Variants in CLEC12B observed in about 807,000 individuals in gnomAD.
The protein encoded by CLEC12B is macrophage antigen h.
A neutral mutation model predicts 36.1 loss-of-function variants in CLEC12B; 25 were observed. The ratio of observed to expected loss-of-function variants is 0.69; its 90% confidence interval spans 0.50 to 0.97. The LOEUF is 0.97. CLEC12B is among the 50% of genes least tolerant of loss of function. CLEC12B has a pLI of 0.00. For synonymous variants in CLEC12B, 110 were observed against 108.5 expected, an observed-to-expected ratio of 1.01 and a Z score of -0.09; for missense variants, 325 against 318.4, an observed-to-expected ratio of 1.02 and a Z score of -0.16.
chr12:10,009,608 A>G (rs1865277347), upstream of CLEC12B, among the ~76,000 whole-genome samples: 2 of 151,066 alleles, frequency 1.3e-5, no homozygotes. Flanking sequence ...ATGTATATTT[A>G]GGTGTTTAGA....
Position 10,014,004 on chromosome 12 carries a change from CTGA to C in CLEC12B, c.191-515_191-513del, listed in dbSNP as rs1182769378. ...TGCAGTGGTTCTTAAATTTGTTGTG[CTGA>C]TGAAGCACCTTAAATGCTTATGAAA... On this transcript the variant is annotated intron_variant, in intron 2 of 5. Transcript: ENST00000338896. 3.3e-5 allele frequency among the ~76,000 whole-genome samples: 5 copies of C among 152,250 alleles called. No homozygotes were observed. In the East Asian group the frequency reaches 7.7e-4, roughly 24 times the overall value.
chr12:10,009,593 A>C (rs1182482720), upstream of CLEC12B, among the ~76,000 whole-genome samples: 2 of 151,438 alleles, frequency 1.3e-5, no homozygotes, highest in East Asian at 3.9e-4. Context: ...ATGAACAAGT[A>C]ACATATGTAT....
chr12:10,015,148 A>G, intron 3 of CLEC12B, 104 bp from the exon 4 acceptor site: 1 of 961,534 alleles, frequency 1.0e-6, no homozygotes, highest in Non-Finnish European at 1.6e-6. Flanking sequence ...TTCAGGGTGC[A>G]GGCTCTCAGT....
intron 3 of CLEC12B, 52 bp downstream of exon 3, chr12:10,014,793 C>A: frequency 8.0e-7 from 1 of 1,253,152 alleles, no homozygotes; most frequent in South Asian, 1.2e-5. Context: ...TTATCCTGGT[C>A]TAAGTTGATC....
chr12:10,015,089 C>G (rs184648682), intron 3 of CLEC12B, among the ~76,000 whole-genome samples, 163 bp from the exon 4 acceptor site: 1 of 152,104 alleles, frequency 6.6e-6, no homozygotes, highest in Non-Finnish European at 1.5e-5. Flanking sequence ...TTGCCCCAAC[C>G]CATAACCAGG....
chr12:10,018,043 G>T, intron 5 of CLEC12B: 1 of 823,932 alleles, frequency 1.2e-6, no homozygotes, highest in Non-Finnish European at 1.5e-6. Context: ...TTCATTAATG[G>T]AATTACATAT....
At chr12:10,014,319 CAAT>C (rs1227590655) in intron 2 of CLEC12B, among the ~76,000 whole-genome samples, 5 of 151,896 alleles carry the variant, frequency 3.3e-5, no homozygotes, top group South Asian at 2.1e-4. Context: ...TAATATAGTG[CAAT>C]AATAAAAATG....
intron 1 of CLEC12B, 82 bp downstream of exon 1, chr12:10,010,932 G>GCAC: frequency 1.2e-6 from 1 of 821,386 alleles, no homozygotes; most frequent in Non-Finnish European, 2.0e-6. Flanking sequence ...TTTAATACTG[G>GCAC]CGTTAAAGAC....
Position 10,014,525 on chromosome 12 carries a change from T to G in CLEC12B, c.193T>G (p.Leu65Val), listed in dbSNP as rs779655928. The part of the protein sequence containing the change: ...IGLVTLGMMF[L>V]QISNDINSDS... Reference sequence around the variant, plus strand: ...TTGTCTCCTGTCATGTCTTGGAGTTTTGCAGATATCTAATGACATTAACTC... The same window carrying G: ...TTGTCTCCTGTCATGTCTTGGAGTTGTGCAGATATCTAATGACATTAACTC... The change falls in exon 3 of 6, where the codon TTG becomes GTG. Residue 65 changes from leucine (L) to valine (V), a missense_variant and splice_region_variant. Transcript: ENST00000338896. The G allele has an allele frequency of 6.2e-7, 1 of 1,610,512 alleles. No individual in the cohort carries two copies. Among genetic ancestry groups the G allele is most frequent in the East Asian group, 2.2e-5 (1 of 44,852 alleles).
At position 10,016,038 on chromosome 12, in the gene CLEC12B, T is replaced by A. The variant is rs535449119; in HGVS notation, c.680+311T>A. On this transcript the variant is annotated intron_variant, in intron 5 of 5. Coordinates refer to ENST00000338896, the MANE Select transcript of CLEC12B (RefSeq NM_001129998.3). ...AGCAGTTATATTCCCATTTTATAGGTAGAAATATTATAATAGAGAGATTAA... is the reference window on the plus strand; with the variant it reads ...AGCAGTTATATTCCCATTTTATAGGAAGAAATATTATAATAGAGAGATTAA... 1.1e-4 allele frequency: 111 copies of A among 972,166 alleles called. No homozygotes were observed. In the African/African-American group the frequency reaches 1.7e-3, roughly 15 times the overall value. The allele number at this position is 972,166 out of a possible 1,614,324, so 60.2% of individuals were successfully genotyped here.
chr12:10,010,691 C>A lies in CLEC12B; in HGVS notation c.-69C>A. The A allele has an allele frequency of 9.9e-7, 1 of 1,006,260 alleles. No individual in the cohort carries two copies. Among genetic ancestry groups the A allele is most frequent in the Non-Finnish European group, 1.5e-6 (1 of 658,296 alleles). 62.3% of individuals were successfully genotyped at this position (1,006,260 alleles called of 1,614,324 possible). ...TCAAAGCTCCCAGCCTTGAAAAACA[C>A]ATGCTGTTCCCAGGCCTCAAGATAT... On this transcript the variant is annotated 5_prime_UTR_variant, in exon 1 of 6. Coordinates refer to ENST00000338896, the MANE Select transcript of CLEC12B (RefSeq NM_001129998.3).
chr12:10,018,754 T>G lies in CLEC12B; in HGVS notation c.*273T>G. ...ATTGTCTCAGAATCATTTCACTGAA[T>G]TTCTTTGCTTTCTCAAATAAAGACT... On this transcript the variant is annotated 3_prime_UTR_variant, in exon 6 of 6. Transcript: ENST00000338896. 1 of 364,776 alleles carries G rather than the reference T, an allele frequency of 2.7e-6. No homozygotes were observed. Among genetic ancestry groups the G allele is most frequent in the African/African-American group, 2.1e-5 (1 of 46,536 alleles). The allele number at this position is 364,776 out of a possible 1,614,324, so 22.6% of individuals were successfully genotyped here.
At chr12:10,016,006 T>A in intron 5 of CLEC12B, 1 of 1,100,484 alleles carries the variant, frequency 9.1e-7, no homozygotes, top group African/African-American at 1.6e-5. Context: ...TACTAACCCT[T>A]GAAGAAAGCA....
chr12:10,017,200 A>C (rs1252399278), intron 5 of CLEC12B: 1 of 985,214 alleles, frequency 1.0e-6, no homozygotes, highest in African/African-American at 1.7e-5. Context: ...TAATCATATC[A>C]AGTCAATTAG....
chr12:10,016,723 G>A, intron 5 of CLEC12B: 1 of 178,300 alleles, frequency 5.6e-6, no homozygotes, highest in Non-Finnish European at 1.1e-5. Context: ...GATCAAATAA[G>A]TGGAATTGGG....
At chr12:10,008,721 A>G (rs1232040506), upstream of CLEC12B, among the ~76,000 whole-genome samples, 5 of 152,212 alleles carry the variant, frequency 3.3e-5, no homozygotes, top group African/African-American at 7.2e-5. Flanking sequence ...AGTGTTATCA[A>G]TCTTCTCTTA....
Position 10,010,689 on chromosome 12 carries a change from C to A in CLEC12B, c.-71C>A. 1.0e-6 allele frequency: 1 copy of A among 990,298 alleles called. No homozygotes were observed. Among genetic ancestry groups the A allele is most frequent in the Non-Finnish European group, 1.5e-6 (1 of 645,386 alleles). The allele number at this position is 990,298 out of a possible 1,614,324, so 61.3% of individuals were successfully genotyped here. A position where few individuals can be genotyped will look rare whatever the true frequency, so the allele number is the denominator to read the frequency against. On this transcript the variant is annotated 5_prime_UTR_variant, in exon 1 of 6. Transcript: ENST00000338896. ...CATCAAAGCTCCCAGCCTTGAAAAACACATGCTGTTCCCAGGCCTCAAGAT... is the reference window on the plus strand; with the variant it reads ...CATCAAAGCTCCCAGCCTTGAAAAAAACATGCTGTTCCCAGGCCTCAAGAT...
rs199568126 is a variant in CLEC12B, at chr12:10,013,023, G to A, written c.190+140G>A. On this transcript the variant is annotated intron_variant, in intron 2 of 5. Transcript: ENST00000338896. ...CTGCTGTCTCATATCTCTCCTATTC[G>A]TCATATCTTCCCAAAAAACCGGCAA... 173 of 664,500 alleles carry A rather than the reference G, an allele frequency of 2.6e-4. No homozygotes were observed. In the African/African-American group the frequency reaches 2.7e-3, roughly 10 times the overall value. The allele number at this position is 664,500 out of a possible 1,614,324, so 41.2% of individuals were successfully genotyped here. A position where few individuals can be genotyped will look rare whatever the true frequency, so the allele number is the denominator to read the frequency against.
At chr12:10,013,841 G>C (rs1381926099) in intron 2 of CLEC12B, among the ~76,000 whole-genome samples, 1 of 152,030 alleles carries the variant, frequency 6.6e-6, no homozygotes, top group African/African-American at 2.4e-5. Context: ...AGATATTCTG[G>C]AGCCAATCAG....
Sources: allele counts gnomAD v4.1 joint callset (sites outside exome capture counted in the v4.1 genomes callset), GRCh38; gene constraint gnomAD v4.1.1; transcripts MANE v1.5; gene names NCBI Gene and HGNC (gene_info 2026-07-23, HGNC 2026-07-21).